The following ASIC2 variants were observed in gnomAD, a reference collection of about 807,000 sequenced individuals.
ASIC2 encodes acid-sensing ion channel 2.
ASIC2 carries 25 observed loss-of-function variants against 57.3 expected under a neutral mutation model. The ratio of observed to expected loss-of-function variants is 0.44; its 90% CI spans 0.32 to 0.61. The LOEUF (loss-of-function observed/expected upper bound fraction) is 0.61. Ranked by LOEUF, ASIC2 falls within the 20% of genes least tolerant of loss-of-function variation. The pLI is 0.06. For synonymous variants in ASIC2, 319 were observed against 307.5 expected, an observed-to-expected ratio of 1.04 and a Z score of -0.39; for missense variants, 641 against 738.1, an observed-to-expected ratio of 0.87 and a Z score of 1.52.
intron 1 of ASIC2, among the ~76,000 whole-genome samples, chr17:33,783,067 C>A (rs2142130203): frequency 6.6e-6 from 1 of 152,328 alleles, no homozygotes; most frequent in Middle Eastern, 3.4e-3. Flanking sequence ...GATTCCTAAG[C>A]ACCCTGCTTA....
intron 5 of ASIC2, among the ~76,000 whole-genome samples, chr17:33,024,430 C>T (rs1231456318): frequency 6.6e-6 from 1 of 152,200 alleles, no homozygotes; most frequent in Non-Finnish European, 1.5e-5. Context: ...TCCCTCATAG[C>T]CAGTGCCCCA....
chr17:33,424,837 T>C (rs971414495), intron 1 of ASIC2, among the ~76,000 whole-genome samples: 1 of 152,126 alleles, frequency 6.6e-6, no homozygotes, highest in Non-Finnish European at 1.5e-5. Context: ...TGACCCTGTC[T>C]CCTAGGGGCG....
At chr17:33,047,374 T>C in intron 3 of ASIC2, among the ~76,000 whole-genome samples, 1 of 152,118 alleles carries the variant, frequency 6.6e-6, no homozygotes, top group East Asian at 1.9e-4. Flanking sequence ...AGGGTCTCTC[T>C]GTCACCCAGG....
chr17:33,089,137 G>C, intron 2 of ASIC2, 147 bp from the exon 3 acceptor site: 1 of 1,120,562 alleles, frequency 8.9e-7, no homozygotes, highest in Non-Finnish European at 1.2e-6. Flanking sequence ...CCCACCTCCA[G>C]AAACTGTGAC....
chr17:33,868,842 T>C (rs898358024), intron 1 of ASIC2, among the ~76,000 whole-genome samples: 31 of 152,126 alleles, frequency 2.0e-4, no homozygotes, highest in Admixed American at 1.6e-3. Context: ...GATGGGAGGA[T>C]CACTTGAAGC....
chr17:33,071,855 T>C (rs2092070623), intron 3 of ASIC2, among the ~76,000 whole-genome samples: 1 of 152,220 alleles, frequency 6.6e-6, no homozygotes, highest in Non-Finnish European at 1.5e-5. Flanking sequence ...GTTCCATGAA[T>C]TATGAGGGTT....
At chr17:33,886,737 A>G (rs1344756808) in intron 1 of ASIC2, among the ~76,000 whole-genome samples, 2 of 138,940 alleles carry the variant, frequency 1.4e-5, no homozygotes, top group African/African-American at 2.7e-5. Context: ...CAGTCTTTCT[A>G]CCAAAAAAAA....
chr17:33,075,102 T>C (rs1466502977), intron 3 of ASIC2, among the ~76,000 whole-genome samples: 3 of 152,156 alleles, frequency 2.0e-5, no homozygotes, highest in Admixed American at 1.3e-4. Context: ...ACAATTCCCA[T>C]GTGTTGTGGG....
chr17:33,937,745 T>C (rs1005838974), intron 1 of ASIC2, among the ~76,000 whole-genome samples: 2 of 152,216 alleles, frequency 1.3e-5, no homozygotes, highest in African/African-American at 4.8e-5. Context: ...TGTCCAGTCT[T>C]CTAAAAGCAA....
intron 2 of ASIC2, among the ~76,000 whole-genome samples, chr17:33,107,641 T>C (rs1229163708): frequency 6.6e-6 from 1 of 152,310 alleles, no homozygotes; most frequent in African/African-American, 2.4e-5. Context: ...GGGACATTTT[T>C]GATAATTTTC....
At chr17:33,365,741 C>T (rs762686669) in intron 1 of ASIC2, among the ~76,000 whole-genome samples, 2 of 152,120 alleles carry the variant, frequency 1.3e-5, no homozygotes, top group Non-Finnish European at 2.9e-5. Context: ...TTACTTTATC[C>T]CCTTTTTATT....
chr17:33,856,924 T>C (rs1434163238), intron 1 of ASIC2, among the ~76,000 whole-genome samples: 6 of 151,440 alleles, frequency 4.0e-5, no homozygotes, highest in African/African-American at 1.2e-4. Context: ...TACTGAGGAG[T>C]GTGGGCTTGT....
intron 1 of ASIC2, among the ~76,000 whole-genome samples, chr17:33,207,980 C>T (rs1907130848): frequency 6.6e-6 from 1 of 152,194 alleles, no homozygotes; most frequent in South Asian, 2.1e-4. Flanking sequence ...GGATCATCTC[C>T]CAAATAAACT....
chr17:33,715,372 A>G lies in ASIC2; in HGVS notation c.555+440606T>C, dbSNP rs183991877. On this transcript the variant is annotated intron_variant, in intron 1 of 9. Coordinates refer to the ASIC2 transcript ENST00000359872. ...CCTGATTTGTAATGACTAAATTCCCATGGGAACGTGGCTTGCTGGAGTTGT... is the reference window on the plus strand; with the variant it reads ...CCTGATTTGTAATGACTAAATTCCCGTGGGAACGTGGCTTGCTGGAGTTGT... 3.3e-5 allele frequency among the ~76,000 whole-genome samples: 5 copies of G among 152,332 alleles called. No individual in the cohort carries two copies. The East Asian group carries it at 9.7e-4, about 29-fold the overall frequency.
intron 1 of ASIC2, among the ~76,000 whole-genome samples, chr17:33,999,607 A>G (rs1906270808): frequency 1.3e-5 from 2 of 152,182 alleles, no homozygotes; most frequent in South Asian, 2.1e-4. Context: ...TTTTAAGCTG[A>G]TAACAACTTA....
intron 1 of ASIC2, among the ~76,000 whole-genome samples, chr17:33,790,171 G>A (rs766887184): frequency 3.3e-5 from 5 of 152,148 alleles, no homozygotes; most frequent in Admixed American, 1.3e-4. Context: ...ATGGCATTTT[G>A]CAAGATAGAA....
chr17:33,505,271 A>G (rs1914215277), intron 1 of ASIC2, among the ~76,000 whole-genome samples: 1 of 152,116 alleles, frequency 6.6e-6, no homozygotes, highest in African/African-American at 2.4e-5. Flanking sequence ...AACAGAGGCA[A>G]GAGTCCAGTG....
At chr17:33,859,698 T>C (rs1450990280) in intron 1 of ASIC2, among the ~76,000 whole-genome samples, 1 of 152,194 alleles carries the variant, frequency 6.6e-6, no homozygotes, top group Non-Finnish European at 1.5e-5. Context: ...TATTTGGTTA[T>C]TGTTTTGAGA....
chr17:33,539,924 A>G (rs2033331316), intron 1 of ASIC2, among the ~76,000 whole-genome samples: 1 of 152,226 alleles, frequency 6.6e-6, no homozygotes, highest in African/African-American at 2.4e-5. Flanking sequence ...GTGAAGGGGC[A>G]GGGACAGCGG....
Sources: gnomAD v4.1 joint callset for allele counts (sites outside exome capture counted in the v4.1 genomes callset) on GRCh38, gnomAD v4.1.1 for gene constraint, MANE v1.5 for transcripts, NCBI Gene and HGNC (gene_info 2026-07-23, HGNC 2026-07-21) for gene names.